Variants in MEF2A observed in about 807,000 individuals in gnomAD.
MEF2A encodes myocyte-specific enhancer factor 2A.
A neutral mutation model predicts 55.8 loss-of-function variants in MEF2A; 28 were observed. The ratio of observed to expected loss-of-function variants is 0.50; its 90% CI spans 0.37 to 0.69. The LOEUF is 0.69. Among genes scored for constraint, MEF2A ranks in the 30% least tolerant of loss-of-function variants. The probability of loss-of-function intolerance (pLI) is 0.00; values close to 1 mark genes in which losing one functional copy is unlikely to be tolerated. For synonymous variants in MEF2A, 239 were observed against 227.1 expected, an observed-to-expected ratio of 1.05 and a Z score of -0.47; for missense variants, 528 against 626.2, an observed-to-expected ratio of 0.84 and a Z score of 1.67.
chr15:99,640,789 T>C (rs1396351159), intron 3 of MEF2A, among the ~76,000 whole-genome samples: 2 of 152,142 alleles, frequency 1.3e-5, no homozygotes, highest in Non-Finnish European at 2.9e-5. Context: ...GCTCAAGTGA[T>C]CCTCCCACCT....
Position 99,569,797 on chromosome 15 carries a change from CTT to C in MEF2A, c.-225+3695_-225+3696del, listed in dbSNP as rs1567129490. 3.3e-5 allele frequency among the ~76,000 whole-genome samples: 5 copies of C among 151,914 alleles called. No individual in the cohort carries two copies. In the East Asian group the frequency reaches 7.7e-4, roughly 23 times the overall value. ...AGGTTATTTTAATATTTTAAAGTAA[CTT>C]TAGTTAATCTGTAATTTTTAAAATA... On this transcript the variant is annotated intron_variant, in intron 1 of 11. Coordinates refer to ENST00000557942, the MANE Select transcript of MEF2A (RefSeq NM_001319206.4).
At chr15:99,606,004 G>A (rs1387742009) in intron 2 of MEF2A, among the ~76,000 whole-genome samples, 1 of 152,136 alleles carries the variant, frequency 6.6e-6, no homozygotes, top group East Asian at 1.9e-4. Flanking sequence ...CAGAGTGGAA[G>A]AACTTTCTCT....
Position 99,633,051 on chromosome 15 carries a change from G to T in MEF2A, c.-69G>T. 7.8e-7 allele frequency: 1 copy of T among 1,281,990 alleles called. No individual in the cohort carries two copies. The highest frequency in any genetic ancestry group is 1.1e-6 in the Non-Finnish European group (1 of 905,248). 79.4% of individuals were successfully genotyped at this position (1,281,990 alleles called of 1,614,324 possible). On this transcript the variant is annotated 5_prime_UTR_variant, in exon 3 of 12. Coordinates refer to ENST00000557942, the MANE Select transcript of MEF2A (RefSeq NM_001319206.4). ...ACAGAAGCTGTGTACGATGCATTAG[G>T]GTATTGAAGAAAATTAACTTTTGAA...
In MEF2A at chr15:99,712,910, G is replaced by GGT; in HGVS notation, c.*143_*144dup. ...ATCCCTTTACATATATATGTATGTGGGTGTGAGTGTGTATGTGTGGGTGTG... is the reference window on the plus strand; with the variant it reads ...ATCCCTTTACATATATATGTATGTGGGTGTGTGAGTGTGTATGTGTGGGTGTG... On this transcript the variant is annotated 3_prime_UTR_variant, in exon 12 of 12. Transcript: ENST00000557942. The surrounding 1 kb of genome is among the most constrained non-coding windows in gnomAD (Gnocchi z 4.1). 1.1e-6 allele frequency: 1 copy of GGT among 926,704 alleles called. No individual in the cohort carries two copies. Among genetic ancestry groups the GGT allele is most frequent in the Non-Finnish European group, 1.5e-6 (1 of 647,894 alleles). 57.4% of individuals were successfully genotyped at this position (926,704 alleles called of 1,614,324 possible). A position where few individuals can be genotyped will look rare whatever the true frequency, so the allele number is the denominator to read the frequency against.
At chr15:99,606,640 T>C (rs1975238235) in intron 2 of MEF2A, among the ~76,000 whole-genome samples, 1 of 152,156 alleles carries the variant, frequency 6.6e-6, no homozygotes, top group Non-Finnish European at 1.5e-5. Context: ...CTTAACCTTA[T>C]TAATAATCTG....
intron 4 of MEF2A, among the ~76,000 whole-genome samples, chr15:99,661,584 A>AG (rs2048646445): frequency 6.6e-6 from 1 of 152,152 alleles, no homozygotes; most frequent in Non-Finnish European, 1.5e-5. Flanking sequence ...AAAGTACTTG[A>AG]ATAGGTGCCT....
chr15:99,622,072 A>G (rs1465014336), intron 2 of MEF2A, among the ~76,000 whole-genome samples: 1 of 152,248 alleles, frequency 6.6e-6, no homozygotes, highest in East Asian at 1.9e-4. Context: ...GAACATTTGT[A>G]ATCAGTATTA....
chr15:99,663,102 G>A (rs1298738973), intron 4 of MEF2A, among the ~76,000 whole-genome samples: 1 of 151,778 alleles, frequency 6.6e-6, no homozygotes, highest in Admixed American at 6.6e-5. Context: ...GTTCTTGGTA[G>A]GCAGGAGTTA....
At chr15:99,646,615 A>G (rs1485804593) in intron 4 of MEF2A, among the ~76,000 whole-genome samples, 4 of 152,146 alleles carry the variant, frequency 2.6e-5, no homozygotes, top group African/African-American at 9.6e-5. Flanking sequence ...TGTGAGGATT[A>G]TGTAGAACAA....
rs971507978 is a variant in MEF2A at position 99,713,853 on chromosome 15, A to C, written c.*1082A>C. 6.6e-6 allele frequency: 1 copy of C among 152,350 alleles called. No homozygotes were observed. The highest frequency in any genetic ancestry group is 2.1e-4 in the South Asian group (1 of 4,828). The allele number at this position is 152,350 out of a possible 1,614,324, so 9.4% of individuals were successfully genotyped here. A position where few individuals can be genotyped will look rare whatever the true frequency, so the allele number is the denominator to read the frequency against. ...AAGTTGAGCCAAACTCTTTGTGTAT[A>C]TAGCATCTTAAATATATTATCACCT... On this transcript the variant is annotated 3_prime_UTR_variant, in exon 12 of 12. Coordinates refer to ENST00000557942, the MANE Select transcript of MEF2A (RefSeq NM_001319206.4).
intron 1 of MEF2A, among the ~76,000 whole-genome samples, chr15:99,573,638 T>C (rs561777418): frequency 2.6e-5 from 4 of 152,342 alleles, no homozygotes; most frequent in African/African-American, 7.2e-5. Context: ...TAATTTCATA[T>C]GTTTATAGAA....
At chr15:99,690,621 C>T (rs756229052) in intron 8 of MEF2A, 193 bp downstream of exon 8, 20 of 714,842 alleles carry the variant, frequency 2.8e-5, no homozygotes, top group Non-Finnish European at 4.0e-5. Flanking sequence ...TGGAAATTTG[C>T]TTAACAGTTA....
At chr15:99,660,338 G>A (rs976316045) in intron 4 of MEF2A, among the ~76,000 whole-genome samples, 1 of 152,158 alleles carries the variant, frequency 6.6e-6, no homozygotes, top group African/African-American at 2.4e-5. Context: ...CTACTGTTTG[G>A]GCACAAAACT....
At chr15:99,624,723 G>T (rs1452415428) in intron 2 of MEF2A, among the ~76,000 whole-genome samples, 1 of 152,198 alleles carries the variant, frequency 6.6e-6, no homozygotes, top group Non-Finnish European at 1.5e-5. Context: ...TTGGGATTTA[G>T]TAGAGATTGC....
At chr15:99,681,490 C>G (rs1474336181) in intron 7 of MEF2A, among the ~76,000 whole-genome samples, 3 of 152,174 alleles carry the variant, frequency 2.0e-5, no homozygotes, top group African/African-American at 4.8e-5. Flanking sequence ...TTCAGTCATT[C>G]ACATGGAGGT....
chr15:99,598,842 A>G (rs1972078833), intron 2 of MEF2A, among the ~76,000 whole-genome samples: 1 of 152,190 alleles, frequency 6.6e-6, no homozygotes, highest in Non-Finnish European at 1.5e-5. Flanking sequence ...TTACTGAGAC[A>G]GTTAATAGGA....
intron 1 of MEF2A, among the ~76,000 whole-genome samples, chr15:99,590,989 T>G (rs536962699): frequency 1.1e-4 from 17 of 152,302 alleles, no homozygotes; most frequent in Admixed American, 5.2e-4. Flanking sequence ...GTTTTAGCTT[T>G]ACAGAAAAAT....
intron 9 of MEF2A, among the ~76,000 whole-genome samples, chr15:99,704,329 TCA>T (rs760807676): frequency 2.0e-5 from 3 of 152,242 alleles, no homozygotes; most frequent in East Asian, 3.8e-4. Flanking sequence ...TTGTGATCAC[TCA>T]CAGTTTTGGG....
At position 99,674,390 on chromosome 15, in the gene MEF2A, C is replaced by T; in HGVS notation, c.391-3C>T. The T allele has an allele frequency of 1.9e-6, 3 of 1,591,436 alleles. No individual in the cohort carries two copies. Among genetic ancestry groups the T allele is most frequent in the Non-Finnish European group, 2.6e-6 (3 of 1,165,470 alleles). On this transcript the variant is annotated splice_polypyrimidine_tract_variant and splice_region_variant and intron_variant, in intron 5 of 11. Coordinates refer to ENST00000557942, the MANE Select transcript of MEF2A (RefSeq NM_001319206.4). ...TTTTTTCCTTCTTTTTCTTTATTTA[C>T]AGCCTGGTCTGCCACCTCAGAACTT...
Sources: allele counts gnomAD v4.1 joint callset (sites outside exome capture counted in the v4.1 genomes callset), GRCh38; gene constraint gnomAD v4.1.1; non-coding constraint Gnocchi (gnomAD v3.1); transcripts MANE v1.5; gene names NCBI Gene and HGNC (gene_info 2026-07-23, HGNC 2026-07-21).